Variants in TSPAN11 observed in about 807,000 individuals in gnomAD.
TSPAN11 encodes tetraspanin-11.
Under a neutral mutation model 32.9 loss-of-function variants are expected in TSPAN11, and 29 were observed. The observed-to-expected ratio is 0.88, with a 90% CI of 0.66 to 1.20. The LOEUF is 1.20. Among genes scored for constraint, TSPAN11 ranks in the 50% most tolerant of loss-of-function variants. TSPAN11 has a pLI of 0.00. For synonymous variants in TSPAN11, 140 were observed against 141.3 expected (o/e 0.99, Z 0.07); for missense variants, 283 against 329.1 (o/e 0.86, Z 1.08).
chr12:30,946,886 C>G (rs561245221), intron 1 of TSPAN11, among the ~76,000 whole-genome samples: 2 of 152,164 alleles, frequency 1.3e-5, no homozygotes, highest in Non-Finnish European at 2.9e-5. Flanking sequence ...TTACCACCCC[C>G]AGGTGGGAGT....
Position 30,978,577 on chromosome 12 carries a change from T to C in TSPAN11, c.293T>C (p.Leu98Pro), listed in dbSNP as rs1213158345. Reference sequence around the variant, plus strand: ...TGCTGCTAGTATTTCTGCCTGTTGCTCGTCATCTTCCTGGTTGAGCTGGTG... The same window carrying C: ...TGCTGCTAGTATTTCTGCCTGTTGCCCGTCATCTTCCTGGTTGAGCTGGTG... ...GCLSTYFCLL[L>P]VIFLVELVAG... The change falls in exon 4 of 8, where the codon CTC becomes CCC. Residue 98 changes from leucine (L) to proline (P), a missense_variant. Transcript: ENST00000546076. 2.5e-6 allele frequency: 4 copies of C among 1,614,228 alleles called. No homozygotes were observed. In the South Asian group the frequency reaches 3.3e-5, roughly 13 times the overall value.
rs1450737382 is a variant in TSPAN11, at chr12:30,979,625, C to T, written c.411C>T (p.Pro137=). Residue 137 remains proline, a synonymous_variant, in exon 5 of 8, where the codon CCC becomes CCT. Coordinates refer to ENST00000546076, the MANE Select transcript of TSPAN11 (RefSeq NM_001370302.1). ...NRTLAENYGQ[P]GATQITASVD... ...CTCTGGCTGAGAACTACGGGCAGCC[C>T]GGAGCCACGCAGATCACCGCCTCAG... 3.7e-6 allele frequency: 6 copies of T among 1,614,148 alleles called. No individual in the cohort carries two copies. The highest frequency in any genetic ancestry group is 1.3e-5 in the African/African-American group (1 of 75,034).
downstream of TSPAN11, among the ~76,000 whole-genome samples, chr12:31,000,833 C>T (rs947297298): frequency 4.6e-5 from 7 of 152,230 alleles, no homozygotes; most frequent in African/African-American, 1.7e-4. Flanking sequence ...CCCAGAAAAT[C>T]CATTCATCCA....
intron 3 of TSPAN11, among the ~76,000 whole-genome samples, chr12:30,970,229 G>A (rs149526512): frequency 4.6e-5 from 7 of 152,296 alleles, no homozygotes; most frequent in Admixed American, 6.5e-5. Flanking sequence ...TCCCTGTTGG[G>A]GGTCTGGCCC....
intron 1 of TSPAN11, among the ~76,000 whole-genome samples, chr12:30,941,122 G>T (rs1207280089): frequency 6.6e-6 from 1 of 152,216 alleles, no homozygotes; most frequent in South Asian, 2.1e-4. Flanking sequence ...TTTAAACTGT[G>T]TATGTCCACC....
chr12:31,010,117 A>G, the TSPAN11 span, among the ~76,000 whole-genome samples: 1 of 152,174 alleles, frequency 6.6e-6, no homozygotes, highest in African/African-American at 2.4e-5. Flanking sequence ...AATGATGTCT[A>G]CCAAGTGCTA....
intron 3 of TSPAN11, among the ~76,000 whole-genome samples, chr12:30,974,824 G>C (rs1303661201): frequency 1.3e-5 from 2 of 152,242 alleles, no homozygotes; most frequent in African/African-American, 2.4e-5. Context: ...GGCAGGCGAA[G>C]GGGAGGGACA....
chr12:30,936,349 C>G (rs772705803), intron 1 of TSPAN11, among the ~76,000 whole-genome samples: 6 of 152,228 alleles, frequency 3.9e-5, no homozygotes, highest in Non-Finnish European at 8.8e-5. Context: ...CATTCATTCT[C>G]TTTTCTTCAT....
chr12:31,014,371 T>C, the TSPAN11 span, among the ~76,000 whole-genome samples: 67 of 152,354 alleles, frequency 4.4e-4, no homozygotes, highest in Admixed American at 1.0e-3. Flanking sequence ...TTCTAACACC[T>C]TCTCAATAAC....
intron 1 of TSPAN11, among the ~76,000 whole-genome samples, chr12:30,929,716 G>A (rs1181092892): frequency 6.6e-6 from 1 of 152,166 alleles, no homozygotes; most frequent in South Asian, 2.1e-4. Flanking sequence ...GAGCGTAGAC[G>A]ACAGCCACGT....
At chr12:31,007,429 C>T in the TSPAN11 span, among the ~76,000 whole-genome samples, 1 of 151,974 alleles carries the variant, frequency 6.6e-6, no homozygotes, top group Non-Finnish European at 1.5e-5. Context: ...TCACCCTTGG[C>T]TCCTCACTGA....
rs147603293 is a variant in TSPAN11, at chr12:30,972,910, C to T, written c.277-5651C>T. On this transcript the variant is annotated intron_variant, in intron 3 of 7. Transcript: ENST00000546076. ...CACAGGGCAGTGACGGATGCTTATGCGCCCAGGGAGGGCTTCCCTGGGCTT... is the reference window on the plus strand; with the variant it reads ...CACAGGGCAGTGACGGATGCTTATGTGCCCAGGGAGGGCTTCCCTGGGCTT... 8.7e-4 allele frequency among the ~76,000 whole-genome samples: 132 copies of T among 151,904 alleles called. 1 individual carries two copies. The highest frequency in any genetic ancestry group is 7.2e-3 in the East Asian group (37 of 5,116).
chr12:31,009,929 T>G, the TSPAN11 span, among the ~76,000 whole-genome samples: 1 of 152,238 alleles, frequency 6.6e-6, no homozygotes, highest in East Asian at 1.9e-4. Context: ...CTCTTCTATT[T>G]AGTCCTCCTT....
At chr12:31,014,439 GA>G in the TSPAN11 span, among the ~76,000 whole-genome samples, 2 of 152,080 alleles carry the variant, frequency 1.3e-5, no homozygotes, top group Admixed American at 1.3e-4. Flanking sequence ...GTTACATAAG[GA>G]AATGAAGTTG....
chr12:30,967,884 G>C (rs962749684), intron 3 of TSPAN11, among the ~76,000 whole-genome samples: 1 of 151,566 alleles, frequency 6.6e-6, no homozygotes, highest in South Asian at 2.1e-4. Flanking sequence ...AGGTAAAGCT[G>C]GGGATCCTGA....
At chr12:30,950,104 C>T (rs1412566392) in intron 1 of TSPAN11, among the ~76,000 whole-genome samples, 1 of 152,008 alleles carries the variant, frequency 6.6e-6, no homozygotes, top group Non-Finnish European at 1.5e-5. Flanking sequence ...ATTCCCCCCA[C>T]CCCCTTCTCT....
At chr12:31,015,275 C>T in the TSPAN11 span, among the ~76,000 whole-genome samples, 1 of 152,160 alleles carries the variant, frequency 6.6e-6, no homozygotes, top group Non-Finnish European at 1.5e-5. This position sits in a 1 kb window ranked among gnomAD's most constrained non-coding sequence, Gnocchi z 4.9. Flanking sequence ...CACACCGTAC[C>T]CCTGTCTCAT....
intron 1 of TSPAN11, among the ~76,000 whole-genome samples, chr12:30,929,058 G>C (rs1937861320): frequency 6.6e-6 from 1 of 152,210 alleles, no homozygotes; most frequent in African/African-American, 2.4e-5. Flanking sequence ...CTCTGGAAGG[G>C]AAGAGCAGGC....
At chr12:30,972,017 T>G (rs528379655) in intron 3 of TSPAN11, among the ~76,000 whole-genome samples, 2 of 152,232 alleles carry the variant, frequency 1.3e-5, no homozygotes, top group African/African-American at 4.8e-5. Context: ...TTGGATCCCA[T>G]TCTATGCTTA....
Sources: allele counts gnomAD v4.1 joint callset (sites outside exome capture counted in the v4.1 genomes callset), GRCh38; gene constraint gnomAD v4.1.1; non-coding constraint Gnocchi (gnomAD v3.1); transcripts MANE v1.5; gene names NCBI Gene and HGNC (gene_info 2026-07-23, HGNC 2026-07-21).